The following CTIF variants were observed in gnomAD, a reference collection of about 807,000 sequenced individuals.
CTIF encodes the protein CBP80/20-dependent translation initiation factor.
A neutral mutation model predicts 66.0 loss-of-function variants in CTIF; 21 were observed. The observed-to-expected ratio is 0.32, with a 90% CI of 0.23 to 0.46. The LOEUF (loss-of-function observed/expected upper bound fraction) is 0.46, where lower values mean the gene tolerates loss of function less well. Ranked by LOEUF, CTIF falls within the 20% of genes least tolerant of loss-of-function variation. The probability of loss-of-function intolerance (pLI) is 1.00; values close to 1 mark genes in which losing one functional copy is unlikely to be tolerated. For missense variants in CTIF, 739 were observed against 812.7 expected (o/e 0.91, Z 1.10); for synonymous variants, 345 against 326.4 (o/e 1.06, Z -0.62).
chr18:48,703,097 C>T (rs1356872440), intron 6 of CTIF, among the ~76,000 whole-genome samples: 1 of 152,172 alleles, frequency 6.6e-6, no homozygotes, highest in African/African-American at 2.4e-5. Context: ...TGGGAGTCTG[C>T]AAGTCCTGAG....
chr18:48,765,192 AAC>A (rs1486676591), intron 9 of CTIF, among the ~76,000 whole-genome samples: 3 of 152,088 alleles, frequency 2.0e-5, no homozygotes, highest in African/African-American at 4.8e-5. Flanking sequence ...TTTTCTGGCA[AAC>A]TATGTTTGCA....
chr18:48,565,734 G>A (rs2089265867), intron 1 of CTIF: 2 of 152,290 alleles, frequency 1.3e-5, no homozygotes, highest in African/African-American at 4.8e-5. Flanking sequence ...CAAGCTCTCA[G>A]GAGGGTAGTG....
At chr18:48,852,251 A>AAG (rs1459488987) in intron 10 of CTIF, among the ~76,000 whole-genome samples, 1 of 142,500 alleles carries the variant, frequency 7.0e-6, no homozygotes, top group East Asian at 1.9e-4. Flanking sequence ...AAAAAAAAAA[A>AAG]AAAAAAAAAA....
chr18:48,648,468 A>AAC (rs150332855), intron 3 of CTIF, among the ~76,000 whole-genome samples: 6,754 of 148,536 alleles, frequency 0.045, 181 homozygotes, highest in South Asian at 0.12. Context: ...CTTCGTTCTG[A>AAC]ACACACACAC....
chr18:48,690,660 C>T (rs1477139669), intron 6 of CTIF, among the ~76,000 whole-genome samples: 1 of 152,072 alleles, frequency 6.6e-6, no homozygotes, highest in Non-Finnish European at 1.5e-5. Flanking sequence ...AACACTCTCT[C>T]AGCAGCCCTG....
chr18:48,667,612 A>G (rs1387794691), intron 5 of CTIF, among the ~76,000 whole-genome samples: 1 of 152,226 alleles, frequency 6.6e-6, no homozygotes, highest in African/African-American at 2.4e-5. Flanking sequence ...AAAAGCGATG[A>G]ATAACTATGA....
chr18:48,704,582 C>A (rs1036815442), intron 6 of CTIF, among the ~76,000 whole-genome samples: 1 of 152,150 alleles, frequency 6.6e-6, no homozygotes, highest in Non-Finnish European at 1.5e-5. Flanking sequence ...CAGGGCCACA[C>A]CCGCCCTAAG....
intron 7 of CTIF, among the ~76,000 whole-genome samples, chr18:48,743,826 T>G (rs1188670139): frequency 1.3e-5 from 2 of 152,188 alleles, no homozygotes; most frequent in African/African-American, 4.8e-5. Flanking sequence ...GAAACTATTA[T>G]GGTGAGAGGA....
At chr18:48,822,807 A>G (rs2068511876) in intron 10 of CTIF, among the ~76,000 whole-genome samples, 2 of 152,040 alleles carry the variant, frequency 1.3e-5, no homozygotes, top group South Asian at 4.1e-4. Context: ...ATTTCTCTCC[A>G]TCCTTACCAG....
chr18:48,808,668 C>A (rs998740286), intron 9 of CTIF, among the ~76,000 whole-genome samples: 1 of 152,184 alleles, frequency 6.6e-6, no homozygotes, highest in South Asian at 2.1e-4. Context: ...TCCTTTGCCA[C>A]TGATTTGTGG....
chr18:48,735,020 G>A (rs909479865), intron 7 of CTIF, among the ~76,000 whole-genome samples: 5 of 152,136 alleles, frequency 3.3e-5, no homozygotes, highest in African/African-American at 9.7e-5. Context: ...TATTGCATGT[G>A]TGCAATATGT....
intron 1 of CTIF, among the ~76,000 whole-genome samples, chr18:48,580,106 G>A (rs901094939): frequency 2.0e-5 from 3 of 152,144 alleles, no homozygotes; most frequent in African/African-American, 7.2e-5. Flanking sequence ...CCTGTCTGCC[G>A]GCTGGGTCAG....
rs144559053 is a variant in CTIF, at chr18:48,806,652, T to G, written c.1372-10569T>G. On this transcript the variant is annotated intron_variant, in intron 9 of 11. Transcript: ENST00000256413. ...CCCAACCCCACCCTCCAGCAGCATC[T>G]CCCTGTGGTGGTTTGCGCTGCTGGG... Among the ~76,000 whole-genome samples the G allele has an allele frequency of 5.4e-4, 82 of 152,302 alleles. 3 individuals are homozygous for G. The East Asian group carries it at 0.014, about 26-fold the overall frequency.
At position 48,817,339 on chromosome 18, in the gene CTIF, G is replaced by A. The variant is rs748575163; in HGVS notation, c.1490G>A (p.Arg497His). The A allele has an allele frequency of 3.0e-5, 49 of 1,613,208 alleles. No individual in the cohort carries two copies. The highest frequency in any genetic ancestry group is 5.0e-5 in the Admixed American group (3 of 59,992). ...CGCAGCAGCACAGGCGAGCCCTTCC[G>A]TGTGCTCGTGTGCCCCATCTACACC... ...TMRSSTGEPF[R>H]VLVCPIYTCL... The change falls in exon 10 of 12, where the codon CGT becomes CAT. Residue 497 changes from arginine (R) to histidine (H), a missense_variant. This residue lies in a region of CTIF where 210 missense variants were observed against 292.3 expected (regional missense o/e 0.72). Transcript: ENST00000256413.
chr18:48,786,147 G>T (rs774512260), intron 9 of CTIF, among the ~76,000 whole-genome samples: 1 of 152,168 alleles, frequency 6.6e-6, no homozygotes, highest in East Asian at 1.9e-4. Context: ...AGCTGAAGGA[G>T]CTCAGAGAGC....
chr18:48,572,088 C>CCTCCTCCTT (rs1294410923), intron 1 of CTIF, among the ~76,000 whole-genome samples: 1 of 151,952 alleles, frequency 6.6e-6, no homozygotes, highest in African/African-American at 2.4e-5. Context: ...TCCTCCTCCT[C>CCTCCTCCTT]CTCCTCCTTC....
chr18:48,601,090 C>T (rs2090082002), intron 1 of CTIF, among the ~76,000 whole-genome samples: 3 of 152,168 alleles, frequency 2.0e-5, no homozygotes, highest in African/African-American at 7.2e-5. Context: ...AGAAGGGTAT[C>T]TCAGCTCAGC....
chr18:48,556,188 A>G (rs1450040753), intron 1 of CTIF, among the ~76,000 whole-genome samples: 1 of 152,182 alleles, frequency 6.6e-6, no homozygotes, highest in Non-Finnish European at 1.5e-5. Context: ...TCTCAGCAGC[A>G]TCTCTGCCTT....
At chr18:48,735,486 GGCACGTGGCAGGAA>G (rs781042793) in intron 7 of CTIF, among the ~76,000 whole-genome samples, 15 of 152,162 alleles carry the variant, frequency 9.9e-5, no homozygotes, top group Non-Finnish European at 1.8e-4. Flanking sequence ...CCGGCGCACA[GGCACGTGGCAGGAA>G]GCACGTGGCA....
Sources: allele counts gnomAD v4.1 joint callset (sites outside exome capture counted in the v4.1 genomes callset), GRCh38; gene constraint gnomAD v4.1.1; regional missense constraint gnomAD v4.1.1; transcripts MANE v1.5; gene names NCBI Gene and HGNC (gene_info 2026-07-23, HGNC 2026-07-21).